The following STARD3 variants were observed in gnomAD, a reference collection of about 807,000 sequenced individuals.
STARD3 encodes the protein StAR related lipid transfer domain containing 3.
Under a neutral mutation model 62.0 loss-of-function variants are expected in STARD3, and 39 were observed. That is an observed-to-expected ratio of 0.63 (90% CI 0.49 to 0.82). The LOEUF (loss-of-function observed/expected upper bound fraction) is 0.82. STARD3 is among the 40% of genes least tolerant of loss of function. The pLI is 0.00. For synonymous variants in STARD3, 229 were observed against 242.4 expected (o/e 0.94, Z 0.51); for missense variants, 543 against 584.5 (o/e 0.93, Z 0.73).
intron 1 of STARD3, 90 bp from the exon 2 acceptor site, chr17:39,653,388 GACA>G: frequency 1.2e-6 from 1 of 852,226 alleles, no homozygotes; most frequent in Non-Finnish European, 1.8e-6. Flanking sequence ...CCAGTGTAGA[GACA>G]AATGCGTTTG....
intron 13 of STARD3, chr17:39,661,385 A>G (rs2057196568): frequency 4.5e-6 from 2 of 441,084 alleles, no homozygotes; most frequent in Non-Finnish European, 8.4e-6. Flanking sequence ...CCTGAGAGCC[A>G]TGTGCTCACT....
At chr17:39,657,940 GCCTTCCCCTT>G in intron 4 of STARD3, 23 bp from the exon 5 acceptor site, 1 of 1,607,582 alleles carries the variant, frequency 6.2e-7, no homozygotes, top group South Asian at 1.1e-5. Flanking sequence ...CCCAGCCTCT[GCCTTCCCCTT>G]CCTCCCTCCC....
Position 39,663,884 on chromosome 17 carries a change from GACCTC to G in STARD3, c.*977_*981del, listed in dbSNP as rs1359029505. Among the ~76,000 whole-genome samples the G allele has an allele frequency of 1.3e-5, 2 of 151,974 alleles. No individual in the cohort carries two copies. Among genetic ancestry groups the G allele is most frequent in the African/African-American group, 4.8e-5 (2 of 41,372 alleles). On this transcript the variant is annotated 3_prime_UTR_variant, in exon 15 of 15. Coordinates refer to ENST00000336308, the MANE Select transcript of STARD3 (RefSeq NM_006804.4). ...GGGATCCAGGCCACCTGGAGCCCCG[GACCTC>G]CCAGACTCCACTCACCCATTCCCTC...
intron 1 of STARD3, among the ~76,000 whole-genome samples, chr17:39,638,486 C>G (rs946433653): frequency 6.6e-6 from 1 of 152,224 alleles, no homozygotes; most frequent in African/African-American, 2.4e-5. Context: ...TTCGTATCTT[C>G]ATGACTTTGC....
intron 1 of STARD3, among the ~76,000 whole-genome samples, chr17:39,641,146 A>G (rs558444042): frequency 2.4e-4 from 37 of 152,344 alleles, no homozygotes; most frequent in Admixed American, 9.1e-4. Flanking sequence ...TTTTGACTCC[A>G]GGATTGATGT....
At chr17:39,657,922 A>T in intron 4 of STARD3, 51 bp from the exon 5 acceptor site, 2 of 1,610,960 alleles carry the variant, frequency 1.2e-6, no homozygotes, top group Non-Finnish European at 1.7e-6. Flanking sequence ...ATGGAGGAGG[A>T]CTCACTTCCC....
chr17:39,658,174 A>C, intron 5 of STARD3, 148 bp downstream of exon 5: 1 of 993,292 alleles, frequency 1.0e-6, no homozygotes, highest in South Asian at 1.4e-5. Flanking sequence ...TCTATAAGGA[A>C]TCATCCTTCA....
intron 5 of STARD3, 111 bp downstream of exon 5, chr17:39,658,137 G>T (rs903983541): frequency 1.6e-6 from 2 of 1,229,448 alleles, no homozygotes; most frequent in Non-Finnish European, 2.3e-6. Flanking sequence ...TCCGGGTTAG[G>T]GGGAGAGGGA....
At chr17:39,638,047 C>T (rs561382475) in intron 1 of STARD3, among the ~76,000 whole-genome samples, 2 of 152,320 alleles carry the variant, frequency 1.3e-5, no homozygotes, top group South Asian at 2.1e-4. Flanking sequence ...TGGTCTTTTC[C>T]TTGCAGATTA....
At chr17:39,643,435 C>T (rs1169866940) in intron 1 of STARD3, among the ~76,000 whole-genome samples, 2 of 152,174 alleles carry the variant, frequency 1.3e-5, no homozygotes, top group African/African-American at 4.8e-5. Context: ...GTCATCACTA[C>T]AGCTTCTGGG....
intron 1 of STARD3, among the ~76,000 whole-genome samples, chr17:39,648,101 C>T (rs936146329): frequency 3.3e-5 from 5 of 151,924 alleles, no homozygotes; most frequent in African/African-American, 4.8e-5. Flanking sequence ...CTAGCTAATA[C>T]GGTGAAACCC....
chr17:39,656,753 C>T, intron 2 of STARD3: 1 of 493,430 alleles, frequency 2.0e-6, no homozygotes, highest in South Asian at 2.4e-5. Context: ...CTGCCCCTTC[C>T]TGGGCAGGGT....
At chr17:39,639,769 T>C (rs1403625540) in intron 1 of STARD3, among the ~76,000 whole-genome samples, 1 of 152,196 alleles carries the variant, frequency 6.6e-6, no homozygotes, top group Non-Finnish European at 1.5e-5. Context: ...GGTAGGGCCA[T>C]TGTGCATGCC....
chr17:39,647,185 G>A (rs113983687), intron 1 of STARD3, among the ~76,000 whole-genome samples: 3 of 150,754 alleles, frequency 2.0e-5, no homozygotes, highest in Non-Finnish European at 4.4e-5. Context: ...GTGACAGAGC[G>A]AGACTCTGTC....
chr17:39,638,304 T>TTC (rs1390739921), intron 1 of STARD3, among the ~76,000 whole-genome samples: 1 of 152,210 alleles, frequency 6.6e-6, no homozygotes, highest in Admixed American at 6.5e-5. Context: ...AGAACACAAG[T>TTC]CTTACGGTGC....
rs138467944 is a variant in STARD3, at chr17:39,659,930, C to G, written c.796-281C>G. 2,301 of 554,388 alleles carry G rather than the reference C, an allele frequency of 4.2e-3. 104 individuals are homozygous for G. The East Asian group carries it at 0.059, about 14-fold the overall frequency. The allele number at this position is 554,388 out of a possible 1,614,324, so 34.3% of individuals were successfully genotyped here. Reference sequence around the variant, plus strand: ...ACATGCCCCAGTCCCTCTCTCTGGCCAGTTCTTGTGGCAGCCCCATTGGCC... The same window carrying G: ...ACATGCCCCAGTCCCTCTCTCTGGCGAGTTCTTGTGGCAGCCCCATTGGCC... On this transcript the variant is annotated intron_variant, in intron 9 of 14. Coordinates refer to ENST00000336308, the MANE Select transcript of STARD3 (RefSeq NM_006804.4).
intron 1 of STARD3, among the ~76,000 whole-genome samples, chr17:39,651,339 G>C (rs562802089): frequency 6.6e-6 from 1 of 152,206 alleles, no homozygotes; most frequent in Non-Finnish European, 1.5e-5. Context: ...GGCCCAGGAA[G>C]GTAGTCCACA....
At chr17:39,662,073 G>T (rs74446291) in intron 13 of STARD3, among the ~76,000 whole-genome samples, 178 bp from the exon 14 acceptor site, 2,249 of 152,192 alleles carry the variant, frequency 0.015, 64 homozygotes, top group African/African-American at 0.052. Flanking sequence ...GTGGAGGGCC[G>T]ATTCTGCAGC....
In STARD3 at chr17:39,660,226, G is replaced by A. The variant is rs1433436554; in HGVS notation, c.811G>A (p.Val271Met). The A allele has an allele frequency of 2.0e-5, 33 of 1,614,046 alleles. No homozygotes were observed. Among genetic ancestry groups the A allele is most frequent in the South Asian group, 4.4e-5 (4 of 91,080 alleles). Residue 271 changes from valine (V) to methionine (M), a missense_variant, in exon 10 of 15, where the codon GTG (valine) becomes ATG (methionine). Transcript: ENST00000336308. The surrounding 1 kb of genome is among the most constrained non-coding windows in gnomAD (Gnocchi z 4.8). ...FEKNNEYGDT[V>M]YTIEVPFHGK... ...CCTGCCATAGGAATATGGGGACACC[G>A]TGTACACCATTGAAGTTCCCTTTCA...
Sources: gnomAD v4.1 joint callset for allele counts (sites outside exome capture counted in the v4.1 genomes callset) on GRCh38, gnomAD v4.1.1 for gene constraint, Gnocchi (gnomAD v3.1) non-coding constraint, MANE v1.5 for transcripts, NCBI Gene and HGNC (gene_info 2026-07-23, HGNC 2026-07-21) for gene names.